The following CAPN8 variants were observed in gnomAD, a reference collection of about 807,000 sequenced individuals.
CAPN8 encodes the protein calpain 8.
Under a neutral mutation model 80.9 loss-of-function variants are expected in CAPN8, and 87 were observed. That is an observed-to-expected ratio of 1.07 (90% CI 0.90 to 1.28). The LOEUF (loss-of-function observed/expected upper bound fraction) is 1.28. Ranked by LOEUF, CAPN8 falls within the 50% of genes most tolerant of loss-of-function variation. CAPN8 has a pLI of 0.00. For missense variants in CAPN8, 757 were observed against 702.0 expected, an observed-to-expected ratio of 1.08 and a Z score of -0.89; for synonymous variants, 299 against 273.8, an observed-to-expected ratio of 1.09 and a Z score of -0.91.
intron 20 of CAPN8, among the ~76,000 whole-genome samples, chr1:223,542,120 AC>A (rs1453989498): frequency 8.5e-5 from 13 of 152,278 alleles, no homozygotes; most frequent in East Asian, 5.8e-4. Context: ...ATTCATACAC[AC>A]ACACACACAT....
intron 2 of CAPN8, among the ~76,000 whole-genome samples, chr1:223,635,470 C>T (rs1190232861): frequency 6.6e-6 from 1 of 152,242 alleles, no homozygotes; most frequent in Non-Finnish European, 1.5e-5. Context: ...TGACAATTCC[C>T]ATCTCTCTGG....
chr1:223,556,285 T>C (rs1656905118), intron 13 of CAPN8, among the ~76,000 whole-genome samples: 1 of 152,162 alleles, frequency 6.6e-6, no homozygotes. Flanking sequence ...CCTGAGGACA[T>C]TATCTGTGTA....
chr1:223,654,924 A>G (rs907370544), intron 1 of CAPN8, among the ~76,000 whole-genome samples: 1 of 149,634 alleles, frequency 6.7e-6, no homozygotes, highest in East Asian at 2.0e-4. Context: ...ACTGACCTCA[A>G]GTGATCCATC....
intron 2 of CAPN8, among the ~76,000 whole-genome samples, chr1:223,639,421 T>C (rs78925083): frequency 0.023 from 3,470 of 152,234 alleles, 138 homozygotes; most frequent in African/African-American, 0.08. Context: ...GTGCCTTCTG[T>C]TACAATCATT....
rs35539373 is a variant in CAPN8, at chr1:223,625,884, G to C, written c.734C>G (p.Ser245Cys). The change falls in exon 6 of 21, where the codon TCC (serine) becomes TGC (cysteine). Residue 245 changes from serine (S) to cysteine (C), a missense_variant. Coordinates refer to ENST00000366872, the MANE Select transcript of CAPN8 (RefSeq NM_001143962.2). Reference protein sequence around the residue: ...GSLLGCSIDVSSAAEAEAITS... With the variant: ...GSLLGCSIDVCSAAEAEAITS... ...GATGGCTTCGGCTTCGGCTGCACTG[G>C]AGACCTGCGTAGAGAAGAAAGTCCA... 3.2e-6 allele frequency: 5 copies of C among 1,550,710 alleles called. No individual in the cohort carries two copies. Among genetic ancestry groups the C allele is most frequent in the Non-Finnish European group, 4.4e-6 (5 of 1,146,422 alleles).
intron 6 of CAPN8, among the ~76,000 whole-genome samples, chr1:223,625,550 G>T (rs1657546633): frequency 6.6e-6 from 1 of 152,086 alleles, no homozygotes; most frequent in Non-Finnish European, 1.5e-5. Flanking sequence ...TCCCACTTCA[G>T]CCTCCCAAAG....
At chr1:223,616,188 G>A (rs1323161697) in intron 9 of CAPN8, 43 bp from the exon 10 acceptor site, 1 of 1,518,674 alleles carries the variant, frequency 6.6e-7, no homozygotes, top group African/African-American at 1.4e-5. Flanking sequence ...CGTAGCGGGT[G>A]AGGAGATGAA....
At chr1:223,611,993 G>A (rs942900640) in intron 11 of CAPN8, among the ~76,000 whole-genome samples, 2 of 152,214 alleles carry the variant, frequency 1.3e-5, no homozygotes, top group African/African-American at 4.8e-5. Context: ...ACCTTGTTCA[G>A]ACCACCAGGG....
At chr1:223,556,099 C>T (rs901226635) in intron 13 of CAPN8, among the ~76,000 whole-genome samples, 16 of 152,212 alleles carry the variant, frequency 1.1e-4, no homozygotes, top group Non-Finnish European at 1.5e-4. Context: ...AAAGTGAACA[C>T]GGCTAAATTC....
At chr1:223,633,691 C>G (rs1468239893) in intron 2 of CAPN8, among the ~76,000 whole-genome samples, 1 of 152,082 alleles carries the variant, frequency 6.6e-6, no homozygotes, top group Admixed American at 6.6e-5. Context: ...TAAAATCCAC[C>G]AGGAGATAAT....
At chr1:223,658,532 G>A (rs1237465255) in intron 1 of CAPN8, among the ~76,000 whole-genome samples, 2 of 152,096 alleles carry the variant, frequency 1.3e-5, no homozygotes, top group East Asian at 1.9e-4. Context: ...GCTGGGCATG[G>A]TGGCTTACGT....
At chr1:223,611,473 G>C (rs947613703) in intron 11 of CAPN8, among the ~76,000 whole-genome samples, 5 of 152,186 alleles carry the variant, frequency 3.3e-5, no homozygotes, top group Admixed American at 2.0e-4. Flanking sequence ...GTATAAATAT[G>C]AGTGTGGACC....
At chr1:223,639,966 C>T (rs1299648722) in intron 2 of CAPN8, among the ~76,000 whole-genome samples, 3 of 152,198 alleles carry the variant, frequency 2.0e-5, no homozygotes. Context: ...AATACATTCA[C>T]ATCATTTGAA....
rs150621843 is a variant in CAPN8, at chr1:223,551,854, C to A, written c.1642-837G>T. On this transcript the variant is annotated intron_variant, in intron 14 of 20. Transcript: ENST00000366872. Reference sequence around the variant, plus strand: ...GACTTGGAAACCTAAGGTTGGTTCACCCCAAAGTGCCGGCTTTCCCCACCA... The same window carrying A: ...GACTTGGAAACCTAAGGTTGGTTCAACCCAAAGTGCCGGCTTTCCCCACCA... Among the ~76,000 whole-genome samples, 966 of 152,300 alleles carry A rather than the reference C, an allele frequency of 6.3e-3. 13 individuals carry two copies. Among genetic ancestry groups the A allele is most frequent in the African/African-American group, 0.021 (854 of 41,552 alleles).
At chr1:223,654,502 C>T in intron 1 of CAPN8, 103 bp from the exon 2 acceptor site, 1 of 1,019,560 alleles carries the variant, frequency 9.8e-7, no homozygotes, top group Non-Finnish European at 1.5e-6. Context: ...CTGGAAGAAA[C>T]CCAGGATTGT....
chr1:223,647,196 C>T (rs144899991), intron 2 of CAPN8, among the ~76,000 whole-genome samples: 6 of 152,184 alleles, frequency 3.9e-5, no homozygotes, highest in African/African-American at 1.4e-4. Context: ...CCCAGCATTC[C>T]TGTAAGGCAG....
rs1658424029 is a variant in CAPN8 at position 223,654,411 on chromosome 1, T to G, written c.238-12A>C. Reference sequence around the variant, plus strand: ...CTGGGACACAACTCCTGAAAGTAATTTGGAACAAAACACAAGTCACAAGGT... The same window carrying G: ...CTGGGACACAACTCCTGAAAGTAATGTGGAACAAAACACAAGTCACAAGGT... On this transcript the variant is annotated splice_polypyrimidine_tract_variant and intron_variant, in intron 1 of 20. Transcript: ENST00000366872. The G allele has an allele frequency of 1.6e-5, 25 of 1,551,440 alleles. No individual in the cohort carries two copies. Among genetic ancestry groups the G allele is most frequent in the Non-Finnish European group, 2.2e-5 (25 of 1,146,842 alleles).
At chr1:223,616,799 A>T (rs974267427) in intron 9 of CAPN8, 1 of 152,278 alleles carries the variant, frequency 6.6e-6, no homozygotes, top group Non-Finnish European at 1.5e-5. Flanking sequence ...CACTGATGAG[A>T]CACACTTTCT....
chr1:223,611,759 C>G (rs1364864649), intron 11 of CAPN8, among the ~76,000 whole-genome samples: 1 of 152,238 alleles, frequency 6.6e-6, no homozygotes, highest in East Asian at 1.9e-4. Context: ...GAGCCAAGGG[C>G]AGGTGGACCA....
Sources: allele counts gnomAD v4.1 joint callset (sites outside exome capture counted in the v4.1 genomes callset), GRCh38; gene constraint gnomAD v4.1.1; transcripts MANE v1.5; gene names NCBI Gene and HGNC (gene_info 2026-07-23, HGNC 2026-07-21).